ERBB4: variants seen among roughly 807,000 people sequenced by gnomAD.
ERBB4 encodes receptor tyrosine-protein kinase erbB-4.
Under a neutral mutation model 158.0 loss-of-function variants are expected in ERBB4, and 42 were observed. The ratio of observed to expected loss-of-function variants is 0.27; its 90% CI spans 0.21 to 0.34. ERBB4 has a LOEUF of 0.34. ERBB4 is among the 10% of genes least tolerant of loss of function. The pLI is 1.00. For missense variants in ERBB4, 1,333 were observed against 1,624.1 expected (o/e 0.82, Z 3.08); for synonymous variants, 583 against 558.7 (o/e 1.04, Z -0.61).
At chr2:212,252,502 A>C (rs553543506) in intron 1 of ERBB4, among the ~76,000 whole-genome samples, 1 of 152,206 alleles carries the variant, frequency 6.6e-6, no homozygotes, top group African/African-American at 2.4e-5. Flanking sequence ...TCATTTTAGT[A>C]AAATGGTAAG....
At chr2:211,463,398 T>C (rs2064587903) in intron 20 of ERBB4, among the ~76,000 whole-genome samples, 1 of 152,216 alleles carries the variant, frequency 6.6e-6, no homozygotes, top group Non-Finnish European at 1.5e-5. Context: ...TACTTCTTCC[T>C]GGGTTCCTAT....
At chr2:212,483,835 C>G (rs900022234) in intron 1 of ERBB4, among the ~76,000 whole-genome samples, 3 of 152,122 alleles carry the variant, frequency 2.0e-5, no homozygotes, top group African/African-American at 7.2e-5. Context: ...CTTCAGGGTT[C>G]ACGCCATTCT....
rs542347037 is a variant in ERBB4 at position 212,100,106 on chromosome 2, CT to C, written c.234+24645del. 8.8e-4 allele frequency among the ~76,000 whole-genome samples: 134 copies of C among 152,064 alleles called. 1 individual carries two copies. Among genetic ancestry groups the C allele is most frequent in the African/African-American group, 2.9e-3 (120 of 41,536 alleles). ...TTACAGTCATTACTGAATATTAAAA[CT>C]TTTTTTTGTTGTTTCTTTGTAACTG... On this transcript the variant is annotated intron_variant, in intron 2 of 27. Transcript: ENST00000342788.
Position 211,583,825 on chromosome 2 carries a change from A to G in ERBB4, c.2302-21737T>C, listed in dbSNP as rs370900799. On this transcript the variant is annotated intron_variant, in intron 19 of 27. Transcript: ENST00000342788. ...ATTTTTTGTCAATTATAATATCATTATTGTATAATTGTTGCTGTATTCTTC... is the reference window on the plus strand; with the variant it reads ...ATTTTTTGTCAATTATAATATCATTGTTGTATAATTGTTGCTGTATTCTTC... Among the ~76,000 whole-genome samples, 3 of 151,588 alleles carry G rather than the reference A, an allele frequency of 2.0e-5. No individual in the cohort carries two copies. The East Asian group carries it at 5.8e-4, about 29-fold the overall frequency.
chr2:212,054,248 G>C (rs918727431), intron 2 of ERBB4, among the ~76,000 whole-genome samples: 1 of 152,184 alleles, frequency 6.6e-6, no homozygotes, highest in Non-Finnish European at 1.5e-5. Flanking sequence ...GAAATTTGGA[G>C]AGTAAGAACA....
At chr2:211,987,178 A>C (rs13007778) in intron 2 of ERBB4, among the ~76,000 whole-genome samples, 1 of 151,438 alleles carries the variant, frequency 6.6e-6, no homozygotes, top group Non-Finnish European at 1.5e-5. Context: ...AAAATTAGCC[A>C]GGCTTGGTGG....
intron 1 of ERBB4, among the ~76,000 whole-genome samples, chr2:212,215,732 G>A (rs1025041758): frequency 6.6e-6 from 1 of 151,272 alleles, no homozygotes; most frequent in Non-Finnish European, 1.5e-5. Flanking sequence ...ATCCCTATTA[G>A]CAATTTGATG....
intron 20 of ERBB4, among the ~76,000 whole-genome samples, chr2:211,508,377 GATC>G (rs2065802544): frequency 6.6e-6 from 1 of 152,160 alleles, no homozygotes; most frequent in African/African-American, 2.4e-5. Flanking sequence ...ATGAAAAAAA[GATC>G]ATCATCACTG....
At chr2:211,529,045 T>C (rs1326553185) in intron 20 of ERBB4, among the ~76,000 whole-genome samples, 1 of 145,488 alleles carries the variant, frequency 6.9e-6, no homozygotes, top group Non-Finnish European at 1.5e-5. Flanking sequence ...AAACAAAAGA[T>C]CAACAGAACA....
intron 1 of ERBB4, among the ~76,000 whole-genome samples, chr2:212,254,535 T>A (rs2084654706): frequency 6.6e-6 from 1 of 152,130 alleles, no homozygotes; most frequent in Non-Finnish European, 1.5e-5. Flanking sequence ...GGGATCACAA[T>A]CATTTGAACA....
At position 211,861,048 on chromosome 2, in the gene ERBB4, T is replaced by TAA. The variant is rs1491373223; in HGVS notation, c.422-72890_422-72889insTT. On this transcript the variant is annotated intron_variant, in intron 3 of 27. Coordinates refer to ENST00000342788, the MANE Select transcript of ERBB4 (RefSeq NM_005235.3). ...TATATAAATATAATATATTTATATA[T>TAA]TTATATATATATAAATATAATATAT... Among the ~76,000 whole-genome samples, 14 of 9,512 alleles carry TAA rather than the reference T, an allele frequency of 1.5e-3. 3 individuals carry two copies. Among genetic ancestry groups the TAA allele is most frequent in the African/African-American group, 6.0e-3 (14 of 2,326 alleles). The allele number at this position is 9,512 out of a possible 152,430, so 6.2% of individuals were successfully genotyped here. A position where few individuals can be genotyped will look rare whatever the true frequency, so the allele number is the denominator to read the frequency against.
rs376691938 is a variant in ERBB4, at chr2:212,219,417, A to G, written c.83-94514T>C. ...ACTGCTAAACAAGCATGTCAGAAAG[A>G]CCTAAATTATAACATTTTTCTATAT... On this transcript the variant is annotated intron_variant, in intron 1 of 27. Coordinates refer to ENST00000342788, the MANE Select transcript of ERBB4 (RefSeq NM_005235.3). Among the ~76,000 whole-genome samples, 5 of 151,414 alleles carry G rather than the reference A, an allele frequency of 3.3e-5. No homozygotes were observed. In the South Asian group the frequency reaches 1.0e-3, roughly 31 times the overall value.
intron 19 of ERBB4, among the ~76,000 whole-genome samples, chr2:211,562,584 GTAGA>G (rs1213287427): frequency 6.6e-6 from 1 of 152,034 alleles, no homozygotes; most frequent in African/African-American, 2.4e-5. Context: ...ATATGGAAAT[GTAGA>G]TAATTACAAG....
At chr2:212,192,078 A>ATGT (rs1230012679) in intron 1 of ERBB4, among the ~76,000 whole-genome samples, 24 of 116,550 alleles carry the variant, frequency 2.1e-4, no homozygotes, top group South Asian at 2.7e-4. Flanking sequence ...TATGTTATAT[A>ATGT]TATTATATAT....
chr2:212,038,505 T>G (rs2077066234), intron 2 of ERBB4, among the ~76,000 whole-genome samples: 1 of 152,150 alleles, frequency 6.6e-6, no homozygotes, highest in Non-Finnish European at 1.5e-5. Context: ...TGTTCAAAAA[T>G]GTATGTCTAA....
intron 22 of ERBB4, among the ~76,000 whole-genome samples, chr2:211,425,334 T>C (rs867523563): frequency 6.6e-6 from 1 of 151,594 alleles, no homozygotes; most frequent in South Asian, 2.1e-4. Context: ...CATTGACTGA[T>C]AACAAAAATA....
At chr2:211,782,776 C>G (rs2076068430) in intron 4 of ERBB4, among the ~76,000 whole-genome samples, 1 of 152,102 alleles carries the variant, frequency 6.6e-6, no homozygotes, top group Admixed American at 6.5e-5. Flanking sequence ...GTTACTGTAG[C>G]CTTGTAGTAC....
intron 3 of ERBB4, among the ~76,000 whole-genome samples, chr2:211,891,409 G>C (rs1364763540): frequency 1.0e-5 from 1 of 99,468 alleles, no homozygotes; most frequent in African/African-American, 4.7e-5. Flanking sequence ...TCAAAGCAGT[G>C]TGTAGAGGGA....
chr2:212,108,706 CT>C lies in ERBB4; in HGVS notation c.234+16045del, dbSNP rs775193964. 4.3e-3 allele frequency among the ~76,000 whole-genome samples: 415 copies of C among 97,048 alleles called. 1 individual carries two copies. The highest frequency in any genetic ancestry group is 0.03 in the East Asian group (100 of 3,344). 63.7% of individuals were successfully genotyped at this position (97,048 alleles called of 152,430 possible). A position where few individuals can be genotyped will look rare whatever the true frequency, so the allele number is the denominator to read the frequency against. ...CATGGAAATGTTAGAAATGGGTCTGCTTTTTTTTTTTTTTTTTTTTTTCAGA... is the reference window on the plus strand; with the variant it reads ...CATGGAAATGTTAGAAATGGGTCTGCTTTTTTTTTTTTTTTTTTTTTCAGA... On this transcript the variant is annotated intron_variant, in intron 2 of 27. Transcript: ENST00000342788.
Sources: allele counts gnomAD v4.1 joint callset (sites outside exome capture counted in the v4.1 genomes callset), GRCh38; gene constraint gnomAD v4.1.1; transcripts MANE v1.5; gene names NCBI Gene and HGNC (gene_info 2026-07-23, HGNC 2026-07-21).